C4orf50: variants seen among roughly 807,000 people sequenced by gnomAD.
C4orf50 encodes the protein chromosome 4 open reading frame 50.
Under a neutral mutation model 77.2 loss-of-function variants are expected in C4orf50, and 80 were observed. The observed-to-expected ratio is 1.04, with a 90% CI of 0.87 to 1.25. The LOEUF is 1.25. C4orf50 is among the 50% of genes most tolerant of loss of function. C4orf50 has a pLI of 0.00. For missense variants in C4orf50, 1,257 were observed against 1,152.9 expected, an observed-to-expected ratio of 1.09 and a Z score of -1.31; for synonymous variants, 532 against 465.3, an observed-to-expected ratio of 1.14 and a Z score of -1.84.
Position 5,958,522 on chromosome 4 carries a change from A to G in C4orf50, c.*853T>C, listed in dbSNP as rs1265068245. On this transcript the variant is annotated 3_prime_UTR_variant, in exon 34 of 34. Coordinates refer to ENST00000531445, the Ensembl canonical transcript of C4orf50. This position sits in a 1 kb window ranked among gnomAD's most constrained non-coding sequence, Gnocchi z 5.4. ...CTTCCAGTTGTCCCAAGCCAAGTAG[A>G]ACGGACCCTTACCTTCATCCCGTTG... 6.6e-6 allele frequency: 1 copy of G among 152,142 alleles called. No individual in the cohort carries two copies. The highest frequency in any genetic ancestry group is 1.5e-5 in the Non-Finnish European group (1 of 68,056). 9.4% of individuals were successfully genotyped at this position (152,142 alleles called of 1,614,324 possible). A position where few individuals can be genotyped will look rare whatever the true frequency, so the allele number is the denominator to read the frequency against.
At chr4:5,917,815 C>T (rs1717096000) in intron 7 of C4orf50, among the ~76,000 whole-genome samples, 1 of 152,068 alleles carries the variant, frequency 6.6e-6, no homozygotes, top group Non-Finnish European at 1.5e-5. Flanking sequence ...TTCAGCTGTG[C>T]CCACCCCGGT....
chr4:5,943,856 G>A (rs574132551), intron 7 of C4orf50, among the ~76,000 whole-genome samples: 1 of 152,152 alleles, frequency 6.6e-6, no homozygotes, highest in African/African-American at 2.4e-5. Context: ...TTCCTTAAAC[G>A]ACGAATTCCT....
chr4:5,967,076 G>A lies in C4orf50; in HGVS notation c.4153+338C>T, dbSNP rs1269954681. On this transcript the variant is annotated intron_variant, in intron 32 of 33. Coordinates refer to ENST00000531445, the Ensembl canonical transcript of C4orf50. ...TATGGGTTCATTAACAATACTGAGGGTTCCTCCCAGTTTTTGGCTATTATA... is the reference window on the plus strand; with the variant it reads ...TATGGGTTCATTAACAATACTGAGGATTCCTCCCAGTTTTTGGCTATTATA... Among the ~76,000 whole-genome samples, 3 of 152,146 alleles carry A rather than the reference G, an allele frequency of 2.0e-5. 1 individual carries two copies. The South Asian group carries it at 6.2e-4, about 32-fold the overall frequency.
chr4:5,936,287 T>G (rs1307611713), intron 7 of C4orf50, among the ~76,000 whole-genome samples: 3 of 150,694 alleles, frequency 2.0e-5, no homozygotes, highest in Non-Finnish European at 4.4e-5. Flanking sequence ...AGAGGATGGG[T>G]GCGGTGGCTC....
exon 28 of C4orf50, chr4:5,989,512 C>G (rs1477891630): frequency 6.5e-7 from 1 of 1,536,020 alleles, no homozygotes. Context: ...GCCACTGTGC[C>G]ACTTCTGAGC....
chr4:5,923,334 C>G (rs527949482), intron 7 of C4orf50: 15 of 154,380 alleles, frequency 9.7e-5, no homozygotes, highest in African/African-American at 2.9e-4. Flanking sequence ...ACAGTGATGG[C>G]AATGAGCCCT....
chr4:6,012,052 T>C (rs1395630287), intron 23 of C4orf50, 84 bp from the exon 2 acceptor site: 5 of 398,484 alleles, frequency 1.3e-5, no homozygotes, highest in Admixed American at 4.4e-5. Flanking sequence ...GGCCAAATTA[T>C]TATTATTATT....
chr4:5,995,858 A>G (rs73196038), intron 25 of C4orf50, among the ~76,000 whole-genome samples: 9,850 of 152,132 alleles, frequency 0.065, 348 homozygotes, highest in African/African-American at 0.076. Context: ...AGGCCAGGAG[A>G]AAACAGAAGT....
chr4:5,997,833 T>A (rs953231797), intron 25 of C4orf50, among the ~76,000 whole-genome samples: 5 of 152,220 alleles, frequency 3.3e-5, no homozygotes, highest in Admixed American at 2.6e-4. Context: ...TATAGAAGGA[T>A]CATTTCTCTA....
intron 25 of C4orf50, among the ~76,000 whole-genome samples, chr4:6,004,041 G>GGTGATGGTGATGGTGATGATA (rs1560598374): frequency 1.2e-4 from 7 of 59,940 alleles, no homozygotes; most frequent in South Asian, 5.9e-4. Flanking sequence ...TAGTGATGAT[G>GGTGATGGTGATGGTGATGATA]GTGATGGTGA....
downstream of C4orf50, among the ~76,000 whole-genome samples, chr4:5,953,919 C>G (rs2108758125): frequency 6.6e-6 from 1 of 152,364 alleles, no homozygotes; most frequent in Non-Finnish European, 1.5e-5. Flanking sequence ...TTCCTCTAGA[C>G]AGGCACAGCC....
At chr4:5,929,031 CCT>C (rs1033092461) in intron 7 of C4orf50, among the ~76,000 whole-genome samples, 24 of 152,158 alleles carry the variant, frequency 1.6e-4, no homozygotes. Context: ...TAACACTGTC[CCT>C]GATACCCACA....
intron 30 of C4orf50, among the ~76,000 whole-genome samples, chr4:5,975,125 GT>G: frequency 8.3e-6 from 1 of 120,070 alleles, no homozygotes; most frequent in African/African-American, 3.2e-5. Flanking sequence ...GGGCGACAGA[GT>G]GACACTCCAT....
chr4:5,918,821 CT>C (rs1717142735), intron 7 of C4orf50, among the ~76,000 whole-genome samples: 1 of 152,236 alleles, frequency 6.6e-6, no homozygotes. Context: ...GCCAGAACGA[CT>C]GGGGAGCTGC....
At chr4:5,950,671 G>T (rs759785994) in intron 7 of C4orf50, among the ~76,000 whole-genome samples, 2 of 148,328 alleles carry the variant, frequency 1.3e-5, no homozygotes, top group African/African-American at 2.5e-5. Flanking sequence ...CAATAGAAAA[G>T]GTCACCCTCC....
At chr4:6,016,345 T>C (rs1722682277) in intron 23 of C4orf50, among the ~76,000 whole-genome samples, 1 of 152,160 alleles carries the variant, frequency 6.6e-6, no homozygotes, top group Non-Finnish European at 1.5e-5. Flanking sequence ...GGTCAGACGT[T>C]CGAGACCTGC....
At chr4:5,939,793 G>A (rs374900530) in intron 7 of C4orf50, among the ~76,000 whole-genome samples, 4 of 152,220 alleles carry the variant, frequency 2.6e-5, no homozygotes, top group African/African-American at 7.2e-5. Flanking sequence ...ACCCCAGCAG[G>A]AGAGCAGCAC....
At chr4:5,939,763 C>T (rs1209363903) in intron 7 of C4orf50, among the ~76,000 whole-genome samples, 1 of 152,144 alleles carries the variant, frequency 6.6e-6, no homozygotes, top group Non-Finnish European at 1.5e-5. Context: ...GCCCTGTCCC[C>T]TGTCCCCAGA....
At chr4:5,979,312 T>A (rs1019382138) in intron 29 of C4orf50, among the ~76,000 whole-genome samples, 6 of 152,188 alleles carry the variant, frequency 3.9e-5, no homozygotes, top group Non-Finnish European at 8.8e-5. Context: ...GAAAAATTGA[T>A]TAAATAAGTT....
Sources: gnomAD v4.1 joint callset for allele counts (sites outside exome capture counted in the v4.1 genomes callset) on GRCh38, gnomAD v4.1.1 for gene constraint, Gnocchi (gnomAD v3.1) non-coding constraint, MANE v1.5 for transcripts, NCBI Gene and HGNC (gene_info 2026-07-23, HGNC 2026-07-21) for gene names.